Variants in MON2 observed in about 807,000 individuals in gnomAD.
The protein encoded by MON2 is protein MON2 homolog.
MON2 carries 84 observed loss-of-function variants against 208.6 expected under a neutral mutation model. The ratio of observed to expected loss-of-function variants is 0.40; its 90% confidence interval spans 0.34 to 0.48. MON2 has a LOEUF of 0.48. Ranked by LOEUF, MON2 falls within the 20% of genes least tolerant of loss-of-function variation. The pLI, the probability that MON2 is intolerant of heterozygous loss-of-function variation, is 0.59. For missense variants in MON2, 1,611 were observed against 2,015.4 expected, an observed-to-expected ratio of 0.80 and a Z score of 3.84; for synonymous variants, 660 against 694.0, an observed-to-expected ratio of 0.95 and a Z score of 0.77.
At chr12:62,501,500 A>G in intron 6 of MON2, 73 bp from the exon 7 acceptor site, 1 of 1,531,928 alleles carries the variant, frequency 6.5e-7, no homozygotes, top group East Asian at 2.3e-5. Context: ...TTTTTTTTAA[A>G]GATTTATGAA....
At chr12:62,473,355 T>A (rs1592798032) in intron 1 of MON2, among the ~76,000 whole-genome samples, 1 of 152,330 alleles carries the variant, frequency 6.6e-6, no homozygotes, top group South Asian at 2.1e-4. Context: ...TGAGTCCATG[T>A]GAGTCCATCT....
chr12:62,567,858 T>C (rs2074439793), intron 29 of MON2, among the ~76,000 whole-genome samples: 1 of 152,246 alleles, frequency 6.6e-6, no homozygotes, highest in Admixed American at 6.5e-5. Flanking sequence ...TGACTTCGAA[T>C]AGTCCACTGT....
At position 62,588,117 on chromosome 12, in the gene MON2, A is replaced by T; in HGVS notation, c.4951A>T (p.Thr1651Ser). 1 of 1,583,982 alleles carries T rather than the reference A, an allele frequency of 6.3e-7. No homozygotes were observed. The highest frequency in any genetic ancestry group is 8.7e-7 in the Non-Finnish European group (1 of 1,155,642). ...TATATTTGTTTTAAAAGCAGTCAGT[A>T]CTCTTATTGATTCACTTAAGAAAAC... ...EIIFVLKAVS[T>S]LIDSLKKTQP... Residue 1651 changes from threonine (T) to serine (S), a missense_variant, in exon 34 of 35, where the codon ACT (threonine) becomes TCT (serine). Coordinates refer to ENST00000393630, the MANE Select transcript of MON2 (RefSeq NM_015026.3).
intron 4 of MON2, among the ~76,000 whole-genome samples, chr12:62,497,726 G>A (rs1433975777): frequency 6.6e-6 from 1 of 152,036 alleles, no homozygotes; most frequent in Non-Finnish European, 1.5e-5. Flanking sequence ...AGGAATTCTC[G>A]TGCCTCAGGC....
intron 26 of MON2, among the ~76,000 whole-genome samples, chr12:62,563,042 A>G (rs946693934): frequency 3.9e-5 from 6 of 152,170 alleles, no homozygotes; most frequent in African/African-American, 1.4e-4. Context: ...ATTTTTTGCT[A>G]AACTTCTTAG....
chr12:62,563,561 A>G (rs1183066164), intron 26 of MON2, among the ~76,000 whole-genome samples: 1 of 152,144 alleles, frequency 6.6e-6, no homozygotes, highest in Admixed American at 6.6e-5. Flanking sequence ...GGTTTATTCT[A>G]TAGATTTTTC....
rs550836041 is a variant in MON2 at position 62,584,043 on chromosome 12, G to A, written c.4700-1251G>A. On this transcript the variant is annotated intron_variant, in intron 32 of 34. Transcript: ENST00000393630. ...GATGCTAAAAGACATTGAAGCAGTGGTTTTAGAGTTGTAAATGGAAAGGAC... is the reference window on the plus strand; with the variant it reads ...GATGCTAAAAGACATTGAAGCAGTGATTTTAGAGTTGTAAATGGAAAGGAC... Among the ~76,000 whole-genome samples, 3 of 151,840 alleles carry A rather than the reference G, an allele frequency of 2.0e-5. No homozygotes were observed. The East Asian group carries it at 5.8e-4, about 30-fold the overall frequency.
intron 10 of MON2, among the ~76,000 whole-genome samples, chr12:62,525,479 A>G (rs1402216639): frequency 6.6e-6 from 1 of 152,172 alleles, no homozygotes; most frequent in African/African-American, 2.4e-5. Context: ...GCTAATCTTC[A>G]TTTTAAAAGA....
chr12:62,566,420 G>A lies in MON2; in HGVS notation c.4293G>A (p.Val1431=), dbSNP rs565248926. The change falls in exon 29 of 35, where the codon GTG becomes GTA. Residue 1431 remains valine (V), a synonymous_variant. Coordinates refer to ENST00000393630, the MANE Select transcript of MON2 (RefSeq NM_015026.3). The part of the protein sequence containing the change: ...YQKTACHKAV[V]NEKVLQNIIK... ...AAACAGCGTGTCACAAAGCAGTGGT[G>A]AATGAGAAAGTGCTCCAGAATATTA... is the stretch of plus-strand genomic sequence containing the variant. The A allele has an allele frequency of 1.2e-6, 2 of 1,613,334 alleles. No homozygotes were observed. The highest frequency in any genetic ancestry group is 1.7e-6 in the Non-Finnish European group (2 of 1,179,650).
In MON2 at chr12:62,566,435, C is replaced by G. The variant is rs2074387806; in HGVS notation, c.4308C>G (p.Leu1436=). The change falls in exon 29 of 35, where the codon CTC becomes CTG. Residue 1436 remains leucine (L), a synonymous_variant. Transcript: ENST00000393630. ...CHKAVVNEKV[L]QNIIKTLRVP... is the part of the protein sequence containing the mutation. ...AAGCAGTGGTGAATGAGAAAGTGCT[C>G]CAGAATATTATTAAGGTATCTTTTT... 1 of 1,612,218 alleles carries G rather than the reference C, an allele frequency of 6.2e-7. No individual in the cohort carries two copies. Among genetic ancestry groups the G allele is most frequent in the Non-Finnish European group, 8.5e-7 (1 of 1,179,280 alleles).
chr12:62,559,327 ATG>A (rs2074111538), intron 25 of MON2, among the ~76,000 whole-genome samples: 1 of 152,224 alleles, frequency 6.6e-6, no homozygotes, highest in Non-Finnish European at 1.5e-5. Context: ...ATAATAATCC[ATG>A]TTATTAACAA....
chr12:62,482,677 C>T (rs2069516790), intron 1 of MON2: 1 of 152,160 alleles, frequency 6.6e-6, no homozygotes, highest in African/African-American at 2.4e-5. Context: ...CAGCACTCTT[C>T]AATGGAATTA....
rs1358366769 is a variant in MON2 at position 62,597,941 on chromosome 12, T to C, written c.*5192T>C. 1 of 151,234 alleles carries C rather than the reference T, an allele frequency of 6.6e-6. No individual in the cohort carries two copies. Among genetic ancestry groups the C allele is most frequent in the African/African-American group, 2.4e-5 (1 of 41,144 alleles). 9.4% of individuals were successfully genotyped at this position (151,234 alleles called of 1,614,324 possible). On this transcript the variant is annotated 3_prime_UTR_variant, in exon 35 of 35. Transcript: ENST00000393630. ...TTTGGTTTTTTATGATTTTGGGGGG[T>C]GGGGGAGATATTTGTTTTTTTGAGG... is the stretch of plus-strand genomic sequence containing the variant.
chr12:62,530,227 ATTTTTTTTTTTTT>A (rs144345618), intron 11 of MON2, among the ~76,000 whole-genome samples: 5 of 126,250 alleles, frequency 4.0e-5, no homozygotes, highest in African/African-American at 1.6e-4. Flanking sequence ...CATCAGTATA[ATTTTTTTTTTTTT>A]TTTTTTTTGA....
chr12:62,550,909 CTT>C (rs869160726), intron 23 of MON2, among the ~76,000 whole-genome samples: 208 of 43,776 alleles, frequency 4.8e-3, no homozygotes, highest in African/African-American at 0.02. Flanking sequence ...TTCTTTCTTT[CTT>C]TTTTTTTTTT....
At chr12:62,534,549 A>ATATATATTTTATATATATATATATATTT (rs2072860048) in intron 12 of MON2, among the ~76,000 whole-genome samples, 1 of 76,122 alleles carries the variant, frequency 1.3e-5, no homozygotes, top group Admixed American at 1.6e-4. Context: ...AAAAATATAT[A>ATATATATTTTATATATATATATATATTT]TATATATATA....
chr12:62,510,456 C>T (rs904770730), intron 8 of MON2, among the ~76,000 whole-genome samples: 8 of 152,082 alleles, frequency 5.3e-5, no homozygotes, highest in African/African-American at 1.9e-4. Context: ...TGGGATCTAT[C>T]CCTGGAATGT....
At position 62,520,608 on chromosome 12, in the gene MON2, G is replaced by A. The variant is rs567807271; in HGVS notation, c.985-3907G>A. Among the ~76,000 whole-genome samples the A allele has an allele frequency of 2.2e-4, 34 of 151,974 alleles. No individual in the cohort carries two copies. The South Asian group carries it at 6.9e-3, about 31-fold the overall frequency. Reference sequence around the variant, plus strand: ...GATACACAGTAAAAACGCTTCATGTGTACTTCCTGTTTTGTCACAAGGAAC... The same window carrying A: ...GATACACAGTAAAAACGCTTCATGTATACTTCCTGTTTTGTCACAAGGAAC... On this transcript the variant is annotated intron_variant, in intron 8 of 34. Transcript: ENST00000393630.
At position 62,538,389 on chromosome 12, in the gene MON2, G is replaced by A. The variant is rs2073079693; in HGVS notation, c.2274-26G>A. ...TTTGTTATATATTTTAGATCAAGAT[G>A]TCTTATTTCTTCATTTCCTTTTTAG... is the stretch of plus-strand genomic sequence containing the variant. On this transcript the variant is annotated intron_variant, in intron 18 of 34. Transcript: ENST00000393630. 5 of 1,588,370 alleles carry A rather than the reference G, an allele frequency of 3.1e-6. No homozygotes were observed. In the East Asian group the frequency reaches 6.7e-5, roughly 21 times the overall value.
Sources: allele counts gnomAD v4.1 joint callset (sites outside exome capture counted in the v4.1 genomes callset), GRCh38; gene constraint gnomAD v4.1.1; transcripts MANE v1.5; gene names NCBI Gene and HGNC (gene_info 2026-07-23, HGNC 2026-07-21).